Variants in RC3H1 observed in about 807,000 individuals in gnomAD.
RC3H1 encodes ring finger and CCCH-type domains 1.
RC3H1 carries 50 observed loss-of-function variants against 138.2 expected under a neutral mutation model. That is an observed-to-expected ratio of 0.36 (90% CI 0.29 to 0.46). The LOEUF (loss-of-function observed/expected upper bound fraction) is 0.46. Among genes scored for constraint, RC3H1 ranks in the 20% least tolerant of loss-of-function variants. The pLI, the probability that RC3H1 is intolerant of heterozygous loss-of-function variation, is 1.00. For missense variants in RC3H1, 1,031 were observed against 1,388.1 expected (o/e 0.74, Z 4.09); for synonymous variants, 462 against 489.1 (o/e 0.94, Z 0.73).
At chr1:173,990,697 C>T (rs943115748) in intron 2 of RC3H1, among the ~76,000 whole-genome samples, 2 of 151,734 alleles carry the variant, frequency 1.3e-5, no homozygotes, top group African/African-American at 2.4e-5. Flanking sequence ...CTCGGCCTCC[C>T]AAGTAGCTGG....
chr1:173,972,800 T>C (rs1277225264), intron 7 of RC3H1, among the ~76,000 whole-genome samples, 173 bp from the exon 8 acceptor site: 1 of 152,230 alleles, frequency 6.6e-6, no homozygotes, highest in African/African-American at 2.4e-5. Context: ...GGACATATTC[T>C]TTCAAAGCTG....
chr1:173,978,745 C>A (rs987029875), intron 6 of RC3H1, 125 bp from the exon 7 acceptor site: 21 of 1,004,302 alleles, frequency 2.1e-5, no homozygotes, highest in South Asian at 5.6e-5. Flanking sequence ...ATACCCTACA[C>A]TTTGGCCAGA....
intron 9 of RC3H1, 147 bp from the exon 10 acceptor site, chr1:173,965,267 G>T: frequency 1.3e-6 from 1 of 779,790 alleles, no homozygotes; most frequent in Non-Finnish European, 2.0e-6. Flanking sequence ...ATCTCTAGCA[G>T]CAAGACATAT....
At chr1:173,946,036 G>C (rs1659119958) in intron 17 of RC3H1, among the ~76,000 whole-genome samples, 1 of 151,990 alleles carries the variant, frequency 6.6e-6, no homozygotes. Context: ...GAGTATGGTG[G>C]TGTACATCTA....
Position 173,972,506 on chromosome 1 carries a change from T to C in RC3H1, c.1221+3A>G. On this transcript the variant is annotated splice_donor_region_variant and intron_variant, in intron 8 of 19. Transcript: ENST00000367696. The stretch of plus-strand genomic sequence containing the variant: ...AACTCTAAGTTTTAAACAGCTTCCT[T>C]ACCTGCTGCTGATCTGCTCCTTTTT... 3.7e-6 allele frequency: 6 copies of C among 1,606,814 alleles called. No homozygotes were observed. Among genetic ancestry groups the C allele is most frequent in the Non-Finnish European group, 5.1e-6 (6 of 1,173,366 alleles).
chr1:173,943,535 T>G lies in RC3H1; in HGVS notation c.3042A>C (p.Pro1014=). ...GQSQPPPPPP[P]KWPGMISSEQ... Reference sequence around the variant, plus strand: ...CACTTGAGATCATCCCAGGCCATTTTGGAGGTGGCGGTGGTGGGGGCTGTG... The same window carrying G: ...CACTTGAGATCATCCCAGGCCATTTGGGAGGTGGCGGTGGTGGGGGCTGTG... The change falls in exon 18 of 20, where the codon CCA becomes CCC. Residue 1014 remains proline, a synonymous_variant. Coordinates refer to ENST00000367696, the MANE Select transcript of RC3H1 (RefSeq NM_172071.4). The G allele has an allele frequency of 1.2e-6, 2 of 1,614,178 alleles. No individual in the cohort carries two copies. Among genetic ancestry groups the G allele is most frequent in the Non-Finnish European group, 8.5e-7 (1 of 1,179,998 alleles).
intron 5 of RC3H1, 149 bp downstream of exon 5, chr1:173,982,578 C>A: frequency 3.7e-6 from 2 of 533,782 alleles, no homozygotes; most frequent in Non-Finnish European, 6.4e-6. Flanking sequence ...ATAATAAGAC[C>A]CCATCTACAT....
chr1:173,971,144 T>C (rs1660343542), intron 8 of RC3H1, among the ~76,000 whole-genome samples: 1 of 152,002 alleles, frequency 6.6e-6, no homozygotes, highest in African/African-American at 2.4e-5. Flanking sequence ...GTATTTTTAG[T>C]AGAGACAGGG....
intron 13 of RC3H1, among the ~76,000 whole-genome samples, chr1:173,960,050 G>T (rs1401314935): frequency 6.9e-6 from 1 of 145,674 alleles, no homozygotes; most frequent in Non-Finnish European, 1.5e-5. Flanking sequence ...GGAGGTTGCA[G>T]TGAGTTGAGA....
intron 6 of RC3H1, among the ~76,000 whole-genome samples, chr1:173,979,456 G>A (rs1318246540): frequency 6.6e-6 from 1 of 152,176 alleles, no homozygotes; most frequent in Non-Finnish European, 1.5e-5. Context: ...AACCAGCCTG[G>A]CCAACATGGT....
At chr1:174,004,998 A>C (rs1661630119) in intron 1 of RC3H1, among the ~76,000 whole-genome samples, 1 of 152,156 alleles carries the variant, frequency 6.6e-6, no homozygotes, top group Non-Finnish European at 1.5e-5. Flanking sequence ...TTGCTAACAT[A>C]TATAGGACAG....
At chr1:173,976,638 G>A (rs1660599858) in intron 7 of RC3H1, among the ~76,000 whole-genome samples, 1 of 152,120 alleles carries the variant, frequency 6.6e-6, no homozygotes, top group African/African-American at 2.4e-5. Flanking sequence ...GAAGTGGTAG[G>A]TAGATGAGAA....
At chr1:173,976,183 T>G (rs1369560845) in intron 7 of RC3H1, among the ~76,000 whole-genome samples, 1 of 152,006 alleles carries the variant, frequency 6.6e-6, no homozygotes, top group Admixed American at 6.6e-5. Flanking sequence ...ATGCCTGTAA[T>G]CCTAGCACTT....
In RC3H1 at chr1:173,985,083, G is replaced by GACTT. The variant is rs576204524; in HGVS notation, c.232-468_232-465dup. ...ATCAATACAATAAATAGTCTTTTCT[G>GACTT]ACTTACTTCTTTCACTTAACAATGT... On this transcript the variant is annotated intron_variant, in intron 2 of 19. Transcript: ENST00000367696. Among the ~76,000 whole-genome samples, 175 of 152,240 alleles carry GACTT rather than the reference G, an allele frequency of 1.1e-3. 1 individual carries two copies. The highest frequency in any genetic ancestry group is 4.1e-3 in the African/African-American group (171 of 41,542).
intron 9 of RC3H1, among the ~76,000 whole-genome samples, chr1:173,966,895 A>G (rs1035450505): frequency 6.6e-6 from 1 of 152,192 alleles, no homozygotes; most frequent in Admixed American, 6.5e-5. Context: ...TTTATACATT[A>G]GCTTTATATT....
chr1:173,966,314 C>G (rs948385946), intron 9 of RC3H1, among the ~76,000 whole-genome samples: 2 of 152,144 alleles, frequency 1.3e-5, no homozygotes, highest in African/African-American at 4.8e-5. Context: ...CACATCGATT[C>G]TGAAATCTAA....
At chr1:173,977,646 C>T (rs1391867096) in intron 7 of RC3H1, among the ~76,000 whole-genome samples, 1 of 152,120 alleles carries the variant, frequency 6.6e-6, no homozygotes, top group African/African-American at 2.4e-5. Flanking sequence ...CTGTATTCTA[C>T]ACTAAGGTAA....
Position 173,952,095 on chromosome 1 carries a change from T to A in RC3H1, c.2414A>T (p.Asn805Ile). 1 of 1,597,230 alleles carries A rather than the reference T, an allele frequency of 6.3e-7. No homozygotes were observed. The highest frequency in any genetic ancestry group is 8.5e-7 in the Non-Finnish European group (1 of 1,171,266). Residue 805 changes from asparagine (N) to isoleucine (I), a missense_variant, in exon 14 of 20, where the codon AAT becomes ATT. Around this residue, in one of 7 missense-constraint regions of RC3H1, gnomAD observed 716 missense variants for 837.9 expected, o/e 0.85. Transcript: ENST00000367696. ...DLKVAGKYKGNDYSQYSPWSC... is the reference protein window; with the variant it reads ...DLKVAGKYKGIDYSQYSPWSC... Reference sequence around the variant, plus strand: ...CCAGGGAGAGTATTGGCTATAATCATTTCCTTTGTATTTCCCAGCTACCTT... The same window carrying A: ...CCAGGGAGAGTATTGGCTATAATCAATTCCTTTGTATTTCCCAGCTACCTT...
At chr1:173,940,337 G>A (rs541217739) in intron 19 of RC3H1, among the ~76,000 whole-genome samples, 16 of 152,228 alleles carry the variant, frequency 1.1e-4, no homozygotes, top group Admixed American at 4.6e-4. Context: ...CAGGCATGGT[G>A]GTGCATGCCT....
Sources: gnomAD v4.1 joint callset for allele counts (sites outside exome capture counted in the v4.1 genomes callset) on GRCh38, gnomAD v4.1.1 for gene constraint, gnomAD v4.1.1 regional missense constraint, MANE v1.5 for transcripts, NCBI Gene and HGNC (gene_info 2026-07-23, HGNC 2026-07-21) for gene names.